The following TIAM1 variants were observed in gnomAD, a reference collection of about 807,000 sequenced individuals.
TIAM1 encodes rho guanine nucleotide exchange factor TIAM1.
A neutral mutation model predicts 163.5 loss-of-function variants in TIAM1; 65 were observed. That is an observed-to-expected ratio of 0.40 (90% CI 0.33 to 0.49). The LOEUF (loss-of-function observed/expected upper bound fraction) is 0.49. Among genes scored for constraint, TIAM1 ranks in the 20% least tolerant of loss-of-function variants. TIAM1 has a pLI of 0.77. For missense variants in TIAM1, 1,789 were observed against 2,044.7 expected (o/e 0.87, Z 2.41); for synonymous variants, 833 against 810.1 (o/e 1.03, Z -0.48).
chr21:31,366,962 G>C (rs1234779237), intron 2 of TIAM1, among the ~76,000 whole-genome samples: 1 of 152,016 alleles, frequency 6.6e-6, no homozygotes, highest in Non-Finnish European at 1.5e-5. Flanking sequence ...AGTATGCCAG[G>C]GTCAAATCTG....
chr21:31,455,569 C>T (rs1007680666), intron 2 of TIAM1, among the ~76,000 whole-genome samples: 1 of 152,062 alleles, frequency 6.6e-6, no homozygotes, highest in African/African-American at 2.4e-5. Context: ...CCTGCCATGA[C>T]GCCCAGCTAA....
At chr21:31,270,351 G>A (rs900003944) in intron 3 of TIAM1, among the ~76,000 whole-genome samples, 7 of 152,146 alleles carry the variant, frequency 4.6e-5, no homozygotes, top group African/African-American at 1.7e-4. Flanking sequence ...AGGCTGAAAT[G>A]CAAAAATTGG....
chr21:31,213,451 C>T lies in TIAM1; in HGVS notation c.2164G>A (p.Ala722Thr). The part of the protein sequence containing the change: ...INQVFGEGTE[A>T]VKKSLEGIFD... ...ATTCCCTCTAAAGATTTCTTTACAGCTTCGGTTCCCTCTCCAAACACCTGC... is the reference window on the plus strand; with the variant it reads ...ATTCCCTCTAAAGATTTCTTTACAGTTTCGGTTCCCTCTCCAAACACCTGC... Residue 722 changes from alanine (A) to threonine (T), a missense_variant, in exon 10 of 28, where the codon GCT becomes ACT. Around this residue, in one of 5 missense-constraint regions of TIAM1, gnomAD observed 456 missense variants for 586.6 expected, o/e 0.78. Transcript: ENST00000541036. 2 of 1,613,910 alleles carry T rather than the reference C, an allele frequency of 1.2e-6. No homozygotes were observed. The highest frequency in any genetic ancestry group is 1.7e-6 in the Non-Finnish European group (2 of 1,180,000).
chr21:31,445,580 C>A (rs1488496570), intron 2 of TIAM1, among the ~76,000 whole-genome samples: 3 of 152,184 alleles, frequency 2.0e-5, no homozygotes, highest in Admixed American at 2.0e-4. Flanking sequence ...AATTCTATCA[C>A]CCCAAATGCT....
intron 15 of TIAM1, among the ~76,000 whole-genome samples, chr21:31,167,720 T>A (rs2084304668): frequency 6.6e-6 from 1 of 152,194 alleles, no homozygotes; most frequent in African/African-American, 2.4e-5. Context: ...CTAGGCTCCC[T>A]GGCTCCTGAG....
At chr21:31,306,974 C>T (rs184172894) in intron 2 of TIAM1, among the ~76,000 whole-genome samples, 17 of 152,228 alleles carry the variant, frequency 1.1e-4, no homozygotes, top group Admixed American at 4.6e-4. Context: ...TTGGTACTCT[C>T]GAATGATTTA....
chr21:31,229,934 T>G (rs999477479), intron 6 of TIAM1, among the ~76,000 whole-genome samples: 1 of 152,316 alleles, frequency 6.6e-6, no homozygotes, highest in African/African-American at 2.4e-5. Flanking sequence ...ATTACAAGCG[T>G]GAGCTACCGC....
intron 1 of TIAM1, among the ~76,000 whole-genome samples, chr21:31,540,644 A>T (rs2833441): frequency 1.3e-5 from 2 of 152,122 alleles, no homozygotes; most frequent in South Asian, 4.1e-4. Flanking sequence ...CAAAGACTCA[A>T]GACACTGGAA....
intron 6 of TIAM1, among the ~76,000 whole-genome samples, chr21:31,235,770 C>T (rs1309082419): frequency 1.3e-5 from 2 of 152,172 alleles, no homozygotes; most frequent in African/African-American, 4.8e-5. Flanking sequence ...TTGCATGATA[C>T]ATAACAGTAT....
intron 3 of TIAM1, among the ~76,000 whole-genome samples, chr21:31,269,639 C>A (rs2072959691): frequency 1.3e-5 from 2 of 151,904 alleles, no homozygotes; most frequent in South Asian, 4.2e-4. Flanking sequence ...CACTGGCAAC[C>A]CCCAGAAAGT....
chr21:31,371,139 T>C (rs746096322), intron 2 of TIAM1, among the ~76,000 whole-genome samples: 5 of 152,150 alleles, frequency 3.3e-5, no homozygotes, highest in Admixed American at 6.5e-5. Flanking sequence ...ACTTGAAGAG[T>C]TTTAGTTTAT....
chr21:31,313,031 T>C (rs964171481), intron 2 of TIAM1, among the ~76,000 whole-genome samples: 3 of 152,194 alleles, frequency 2.0e-5, no homozygotes, highest in African/African-American at 7.2e-5. Context: ...GCTACTCACC[T>C]GCCTGGTGCA....
At chr21:31,546,580 G>GAAAGAAAGAAAGAAAGAAAGAAAGAA (rs2048501347) in intron 1 of TIAM1, among the ~76,000 whole-genome samples, 2 of 150,272 alleles carry the variant, frequency 1.3e-5, no homozygotes, top group East Asian at 3.9e-4. Flanking sequence ...AAGAAAGAAA[G>GAAAGAAAGAAAGAAAGAAAGAAAGAA]AAAGAAACCA....
At chr21:31,537,639 C>T (rs1213610831) in intron 1 of TIAM1, among the ~76,000 whole-genome samples, 1 of 151,842 alleles carries the variant, frequency 6.6e-6, no homozygotes, top group Non-Finnish European at 1.5e-5. Context: ...GTATTCCCAG[C>T]TACTTGAAAG....
chr21:31,160,286 C>A (rs980064869), intron 16 of TIAM1, among the ~76,000 whole-genome samples: 11 of 152,164 alleles, frequency 7.2e-5, no homozygotes, highest in African/African-American at 2.7e-4. Flanking sequence ...AGCCACAATA[C>A]AGACTTTATG....
intron 3 of TIAM1, among the ~76,000 whole-genome samples, chr21:31,276,060 T>C (rs2073285579): frequency 6.6e-6 from 1 of 152,122 alleles, no homozygotes; most frequent in Non-Finnish European, 1.5e-5. Context: ...AGACAACAGA[T>C]TGCAAATGTA....
At chr21:31,343,404 C>T (rs2076076161) in intron 1 of TIAM1, among the ~76,000 whole-genome samples, 1 of 152,176 alleles carries the variant, frequency 6.6e-6, no homozygotes, top group African/African-American at 2.4e-5. Flanking sequence ...CCCCCAGCAC[C>T]ACCTTCCACC....
intron 19 of TIAM1, among the ~76,000 whole-genome samples, chr21:31,152,138 T>C (rs1283103962): frequency 6.6e-6 from 1 of 150,760 alleles, no homozygotes; most frequent in Non-Finnish European, 1.5e-5. Flanking sequence ...GTTCAAGCGA[T>C]TCTCCTGCCT....
chr21:31,213,724 T>G (rs959811276), intron 9 of TIAM1, among the ~76,000 whole-genome samples: 2 of 152,000 alleles, frequency 1.3e-5, no homozygotes, highest in African/African-American at 4.8e-5. Context: ...ATATGGATAA[T>G]TCATCTCTAC....
Sources: gnomAD v4.1 joint callset for allele counts (sites outside exome capture counted in the v4.1 genomes callset) on GRCh38, gnomAD v4.1.1 for gene constraint, gnomAD v4.1.1 regional missense constraint, MANE v1.5 for transcripts, NCBI Gene and HGNC (gene_info 2026-07-23, HGNC 2026-07-21) for gene names.